Variants in GET3 observed in about 807,000 individuals in gnomAD.
GET3 encodes the protein guided entry of tail-anchored proteins factor 3, ATPase.
A neutral mutation model predicts 32.4 loss-of-function variants in GET3; 15 were observed. That is an observed-to-expected ratio of 0.46 (90% confidence interval 0.31 to 0.71). The LOEUF is 0.71. GET3 is among the 30% of genes least tolerant of loss of function. The probability of loss-of-function intolerance (pLI) is 0.05; values close to 1 mark genes in which losing one functional copy is unlikely to be tolerated. For missense variants in GET3, 333 were observed against 459.0 expected, an observed-to-expected ratio of 0.73 and a Z score of 2.51; for synonymous variants, 198 against 185.6, an observed-to-expected ratio of 1.07 and a Z score of -0.54.
Position 12,747,648 on chromosome 19 carries a change from C to A in GET3, c.915+56C>A. The A allele has an allele frequency of 6.4e-7, 1 of 1,567,366 alleles. No homozygotes were observed. The highest frequency in any genetic ancestry group is 8.7e-7 in the Non-Finnish European group (1 of 1,155,260). On this transcript the variant is annotated intron_variant, in intron 6 of 6. Coordinates refer to ENST00000357332, the MANE Select transcript of GET3 (RefSeq NM_004317.4). This position sits in a 1 kb window ranked among gnomAD's most constrained non-coding sequence, Gnocchi z 4.0. ...AGAGGCACCTCTGCCCCTTTATTCT[C>A]TGATCTTTTGCTCCACCATCTGGCC...
In GET3 at chr19:12,745,819, G is replaced by C; in HGVS notation, c.609+60G>C. 2 of 1,540,536 alleles carry C rather than the reference G, an allele frequency of 1.3e-6. No individual in the cohort carries two copies. The highest frequency in any genetic ancestry group is 1.7e-6 in the Non-Finnish European group (2 of 1,149,068). ...GCAGCCGGGAGTGGGAGTAGGCCCGGGCCCCCAGACCCTCAAATGCGCACT... is the reference window on the plus strand; with the variant it reads ...GCAGCCGGGAGTGGGAGTAGGCCCGCGCCCCCAGACCCTCAAATGCGCACT... On this transcript the variant is annotated intron_variant, in intron 4 of 6. Coordinates refer to ENST00000357332, the MANE Select transcript of GET3 (RefSeq NM_004317.4). This position sits in a 1 kb window ranked among gnomAD's most constrained non-coding sequence, Gnocchi z 5.0.
chr19:12,745,860 TTCCC>T lies in GET3; in HGVS notation c.609+102_609+105del, dbSNP rs1401767311. On this transcript the variant is annotated intron_variant, in intron 4 of 6. Coordinates refer to ENST00000357332, the MANE Select transcript of GET3 (RefSeq NM_004317.4). The surrounding 1 kb of genome is among the most constrained non-coding windows in gnomAD (Gnocchi z 5.0). ...AATGCGCACTAACAATTCCCTTTCC[TTCCC>T]ACCCCTTCTCACTCTGGACTTCTCC... The T allele has an allele frequency of 7.2e-7, 1 of 1,396,290 alleles. No homozygotes were observed. Among genetic ancestry groups the T allele is most frequent in the Non-Finnish European group, 9.6e-7 (1 of 1,046,122 alleles). 86.5% of individuals were successfully genotyped at this position (1,396,290 alleles called of 1,614,324 possible).
At position 12,737,683 on chromosome 19, in the gene GET3, G is replaced by T. The variant is rs147522509; in HGVS notation, c.161+17G>T. Reference sequence around the variant, plus strand: ...CACCTGCAGGTAAGGAGGCTGCGGCGGGGGCCAGGAGGCGTGTAGGATATA... The same window carrying T: ...CACCTGCAGGTAAGGAGGCTGCGGCTGGGGCCAGGAGGCGTGTAGGATATA... On this transcript the variant is annotated intron_variant, in intron 1 of 6. Coordinates refer to ENST00000357332, the MANE Select transcript of GET3 (RefSeq NM_004317.4). 5 of 1,602,188 alleles carry T rather than the reference G, an allele frequency of 3.1e-6. No individual in the cohort carries two copies. In the African/African-American group the frequency reaches 6.7e-5, roughly 22 times the overall value.
At chr19:12,746,224 G>A (rs917027600) in intron 4 of GET3, among the ~76,000 whole-genome samples, 1 of 152,096 alleles carries the variant, frequency 6.6e-6, no homozygotes, top group African/African-American at 2.4e-5. Context: ...CCTCCACCTC[G>A]TGGGTTCAAG....
Position 12,747,177 on chromosome 19 carries a change from C to G in GET3, c.610-20C>G. 1.3e-6 allele frequency: 2 copies of G among 1,567,352 alleles called. No individual in the cohort carries two copies. The highest frequency in any genetic ancestry group is 1.7e-6 in the Non-Finnish European group (2 of 1,155,884). ...GGTCGCCGCAGGTAAGCTATGAGCC[C>G]TCCCACATCCCCCCTGCAGATGTGC... On this transcript the variant is annotated intron_variant, in intron 4 of 6. Coordinates refer to ENST00000357332, the MANE Select transcript of GET3 (RefSeq NM_004317.4). The surrounding 1 kb of genome is among the most constrained non-coding windows in gnomAD (Gnocchi z 4.0).
At position 12,747,383 on chromosome 19, in the gene GET3, C is replaced by T. The variant is rs374961741; in HGVS notation, c.718-12C>T. 63 of 1,613,972 alleles carry T rather than the reference C, an allele frequency of 3.9e-5. No individual in the cohort carries two copies. The African/African-American group carries it at 4.8e-4, about 12-fold the overall frequency. On this transcript the variant is annotated splice_polypyrimidine_tract_variant and intron_variant, in intron 5 of 6. Coordinates refer to ENST00000357332, the MANE Select transcript of GET3 (RefSeq NM_004317.4). The surrounding 1 kb of genome is among the most constrained non-coding windows in gnomAD (Gnocchi z 4.0). ...GACCCCGCCCCTCACTGTCCTCTCT[C>T]GTGCCCTGTAGGAGCAGACAACTTT...
chr19:12,744,201 A>T (rs1967726466), intron 2 of GET3, among the ~76,000 whole-genome samples: 1 of 146,982 alleles, frequency 6.8e-6, no homozygotes, highest in South Asian at 2.1e-4. Context: ...AGGCAACAAG[A>T]TCAAAACTCC....
rs1568349574 is a variant in GET3 at position 12,745,334 on chromosome 19, CCAG to C, written c.310-39_310-37del. 6.3e-7 allele frequency: 1 copy of C among 1,595,234 alleles called. No individual in the cohort carries two copies. ...CCTGTGCCCAGGTGGGAAGGCTCCC[CCAG>C]CAGTAGCAGCAACCTCAGTCTCATC... is the stretch of plus-strand genomic sequence containing the variant. On this transcript the variant is annotated intron_variant, in intron 2 of 6. Transcript: ENST00000357332. This position sits in a 1 kb window ranked among gnomAD's most constrained non-coding sequence, Gnocchi z 5.0.
rs8100505 is a variant in GET3 at position 12,747,022 on chromosome 19, A to G, written c.610-175A>G. Among the ~76,000 whole-genome samples the G allele has an allele frequency of 0.27, 40,658 of 151,220 alleles. 6,473 individuals are homozygous for G. Among genetic ancestry groups the G allele is most frequent in the Middle Eastern group, 0.41 (121 of 294 alleles). On this transcript the variant is annotated intron_variant, in intron 4 of 6. Transcript: ENST00000357332. The surrounding 1 kb of genome is among the most constrained non-coding windows in gnomAD (Gnocchi z 4.0). ...GAGACTCCATTTCAAAAAAAAAAAA[A>G]AAAGAAAGAAAGAAATGGAAAAGCT...
rs981274055 is a variant in GET3, at chr19:12,745,258, C to T, written c.310-119C>T. ...TAATGAAATGCCTGTGGTCACAGCC[C>T]ACCACAGGCTCCCTCTGGCCCTGTG... On this transcript the variant is annotated intron_variant, in intron 2 of 6. Transcript: ENST00000357332. This position sits in a 1 kb window ranked among gnomAD's most constrained non-coding sequence, Gnocchi z 5.0. The T allele has an allele frequency of 1.7e-6, 2 of 1,201,116 alleles. No homozygotes were observed. The highest frequency in any genetic ancestry group is 1.5e-5 in the African/African-American group (1 of 65,320). The allele number at this position is 1,201,116 out of a possible 1,614,324, so 74.4% of individuals were successfully genotyped here.
Position 12,748,183 on chromosome 19 carries a change from A to G in GET3, c.*79A>G. The G allele has an allele frequency of 1.4e-6, 2 of 1,381,704 alleles. No individual in the cohort carries two copies. The highest frequency in any genetic ancestry group is 3.0e-5 in the South Asian group (2 of 67,068). 85.6% of individuals were successfully genotyped at this position (1,381,704 alleles called of 1,614,324 possible). ...ACCCCCTCGGGGCAGAGTTTGCACA[A>G]AGTCCCCCCCATAATACAGGGGGAG... On this transcript the variant is annotated 3_prime_UTR_variant, in exon 7 of 7. Coordinates refer to ENST00000357332, the MANE Select transcript of GET3 (RefSeq NM_004317.4).
In GET3 at chr19:12,737,608, C is replaced by T. The variant is rs999134544; in HGVS notation, c.103C>T (p.Arg35Cys). ...EPTLSNIIEQ[R>C]SLKWIFVGGK... ...TACACTTAGCAACATCATCGAGCAG[C>T]GCAGCCTGAAGTGGATCTTCGTCGG... Residue 35 changes from arginine (R) to cysteine (C), a missense_variant, in exon 1 of 7, where the codon CGC becomes TGC. By Grantham distance (180) the Arg-to-Cys change is radical. This residue lies in a region of GET3 where 230 missense variants were observed against 389.2 expected (regional missense o/e 0.59). Coordinates refer to ENST00000357332, the MANE Select transcript of GET3 (RefSeq NM_004317.4). 1 of 1,611,530 alleles carries T rather than the reference C, an allele frequency of 6.2e-7. No homozygotes were observed. The highest frequency in any genetic ancestry group is 1.1e-5 in the South Asian group (1 of 90,698).
chr19:12,738,478 C>T lies in GET3; in HGVS notation c.162-33C>T, dbSNP rs200835260. 2.7e-4 allele frequency: 428 copies of T among 1,612,396 alleles called. 1 individual carries two copies. Among genetic ancestry groups the T allele is most frequent in the Non-Finnish European group, 3.4e-4 (401 of 1,179,456 alleles). Reference sequence around the variant, plus strand: ...ACCCAGGGAACAGAGCCCATCCCCTCATCCCCTATCTTTTGACTTTTCCAT... The same window carrying T: ...ACCCAGGGAACAGAGCCCATCCCCTTATCCCCTATCTTTTGACTTTTCCAT... On this transcript the variant is annotated intron_variant, in intron 1 of 6. Coordinates refer to ENST00000357332, the MANE Select transcript of GET3 (RefSeq NM_004317.4).
At position 12,746,195 on chromosome 19, in the gene GET3, C is replaced by T. The variant is rs560973295; in HGVS notation, c.609+436C>T. Among the ~76,000 whole-genome samples, 189 of 152,186 alleles carry T rather than the reference C, an allele frequency of 1.2e-3. 1 individual carries two copies. Among genetic ancestry groups the T allele is most frequent in the African/African-American group, 4.4e-3 (183 of 41,502 alleles). ...TCACCCAGGCTGGAGTGCAGTGGTGCGATCTTGGCTCATTGCAACCTCCAC... is the reference window on the plus strand; with the variant it reads ...TCACCCAGGCTGGAGTGCAGTGGTGTGATCTTGGCTCATTGCAACCTCCAC... On this transcript the variant is annotated intron_variant, in intron 4 of 6. Transcript: ENST00000357332.
chr19:12,741,127 G>A (rs1365650454), intron 2 of GET3, among the ~76,000 whole-genome samples: 2 of 151,792 alleles, frequency 1.3e-5, no homozygotes, highest in Admixed American at 1.3e-4. Flanking sequence ...TTAAAGACCA[G>A]CCTAGCCAAG....
chr19:12,738,304 T>G (rs1012231748), intron 1 of GET3, among the ~76,000 whole-genome samples: 1 of 152,020 alleles, frequency 6.6e-6, no homozygotes, highest in Non-Finnish European at 1.5e-5. Context: ...ACCTTACCTC[T>G]CTAGTCCACA....
intron 4 of GET3, among the ~76,000 whole-genome samples, chr19:12,746,796 G>A (rs1430450572): frequency 2.0e-5 from 3 of 152,062 alleles, no homozygotes; most frequent in African/African-American, 7.2e-5. Context: ...GATTGCCTGA[G>A]GTCAGGAGTT....
In GET3 at chr19:12,740,844, G is replaced by A. The variant is rs547454724; in HGVS notation, c.309+2186G>A. On this transcript the variant is annotated intron_variant, in intron 2 of 6. Transcript: ENST00000357332. ...AACAGGAGGAATTGGGGCACTTCCC[G>A]GGCAGAGATGAGGGTGTTGGCAGCC... Among the ~76,000 whole-genome samples, 59 of 152,254 alleles carry A rather than the reference G, an allele frequency of 3.9e-4. No homozygotes were observed. The East Asian group carries it at 7.9e-3, about 20-fold the overall frequency.
chr19:12,745,635 T>C lies in GET3; in HGVS notation c.485T>C (p.Val162Ala), dbSNP rs1431664531. The change falls in exon 4 of 7, where the codon GTG becomes GCG. Residue 162 changes from valine to alanine, a missense_variant. This residue lies in a region of GET3 where 230 missense variants were observed against 389.2 expected (regional missense o/e 0.59). Coordinates refer to ENST00000357332, the MANE Select transcript of GET3 (RefSeq NM_004317.4). The surrounding 1 kb of genome is among the most constrained non-coding windows in gnomAD (Gnocchi z 5.0). ...CTGGTGAAGGGCATGAACTTCTCGGTGGTGGTATTTGACACGGCACCCACG... is the reference window on the plus strand; with the variant it reads ...CTGGTGAAGGGCATGAACTTCTCGGCGGTGGTATTTGACACGGCACCCACG... ...MRLVKGMNFS[V>A]VVFDTAPTGH... The C allele has an allele frequency of 6.2e-7, 1 of 1,612,454 alleles. No homozygotes were observed. Among genetic ancestry groups the C allele is most frequent in the Non-Finnish European group, 8.5e-7 (1 of 1,179,926 alleles).
Sources: gnomAD v4.1 joint callset for allele counts (sites outside exome capture counted in the v4.1 genomes callset) on GRCh38, gnomAD v4.1.1 for gene constraint, gnomAD v4.1.1 regional missense constraint, Gnocchi (gnomAD v3.1) non-coding constraint, MANE v1.5 for transcripts, NCBI Gene and HGNC (gene_info 2026-07-23, HGNC 2026-07-21) for gene names.